SAMD12: variants seen among roughly 807,000 people sequenced by gnomAD.
SAMD12 encodes sterile alpha motif domain containing 12, also known as sterile alpha motif domain-containing protein 12.
In SAMD12, 9 loss-of-function variants were observed where a neutral mutation model predicts 15.0. That is an observed-to-expected ratio of 0.60 (90% CI 0.36 to 1.05). The LOEUF (loss-of-function observed/expected upper bound fraction) is 1.05, where lower values mean the gene tolerates loss of function less well. Among genes scored for constraint, SAMD12 ranks in the 50% least tolerant of loss-of-function variants. SAMD12 has a pLI of 0.01. For synonymous variants in SAMD12, 86 were observed against 90.1 expected, an observed-to-expected ratio of 0.96 and a Z score of 0.25; for missense variants, 230 against 234.2, an observed-to-expected ratio of 0.98 and a Z score of 0.12.
At chr8:118,399,223 A>C (rs2450330) in intron 3 of SAMD12, among the ~76,000 whole-genome samples, 1 of 150,538 alleles carries the variant, frequency 6.6e-6, no homozygotes. Context: ...TTAATAAATG[A>C]CTGTGGAAGG....
chr8:118,218,465 A>C (rs1301448122), intron 4 of SAMD12, among the ~76,000 whole-genome samples: 2 of 152,156 alleles, frequency 1.3e-5, no homozygotes, highest in Non-Finnish European at 2.9e-5. Context: ...CATGCTGTGC[A>C]ACAGATTTCA....
rs574387603 is a variant in SAMD12 at position 118,199,712 on chromosome 8, A to G, written c.434-1980T>C. ...TCTAATCTTAGGATATTAAAAAAGC[A>G]CTTATAACCATGGATGTAAGTGGAG... On this transcript the variant is annotated intron_variant, in intron 4 of 4. Coordinates refer to the SAMD12 transcript ENST00000409003. Among the ~76,000 whole-genome samples the G allele has an allele frequency of 1.8e-4, 27 of 152,312 alleles. No homozygotes were observed. In the South Asian group the frequency reaches 5.6e-3, roughly 32 times the overall value.
chr8:118,259,054 G>A (rs551067058), intron 4 of SAMD12, among the ~76,000 whole-genome samples: 2 of 152,148 alleles, frequency 1.3e-5, no homozygotes, highest in South Asian at 2.1e-4. Context: ...ATACTTATAC[G>A]GAAATGACAG....
intron 4 of SAMD12, among the ~76,000 whole-genome samples, chr8:118,269,193 G>C (rs1225867575): frequency 3.6e-5 from 4 of 112,648 alleles, no homozygotes; most frequent in African/African-American, 1.5e-4. Context: ...CTTTGCTTTT[G>C]TTCTCTCTCT....
chr8:118,148,850 A>G, the SAMD12 span, among the ~76,000 whole-genome samples: 2 of 152,290 alleles, frequency 1.3e-5, no homozygotes, highest in African/African-American at 4.8e-5. Flanking sequence ...ATGTTACAGC[A>G]TGTTCAATGG....
intron 1 of SAMD12, among the ~76,000 whole-genome samples, chr8:118,603,490 A>T (rs1586850364): frequency 6.6e-6 from 1 of 152,240 alleles, no homozygotes; most frequent in Non-Finnish European, 1.5e-5. Flanking sequence ...GGGGAAAGAT[A>T]CTTTCCAACT....
chr8:118,374,792 T>C (rs769281939), downstream of SAMD12, among the ~76,000 whole-genome samples: 19 of 151,814 alleles, frequency 1.3e-4, no homozygotes, highest in Non-Finnish European at 2.2e-4. Context: ...AACTCTCTAT[T>C]TGAATCCTTT....
chr8:118,171,718 T>C, the SAMD12 span, among the ~76,000 whole-genome samples: 12 of 136,880 alleles, frequency 8.8e-5, no homozygotes, highest in East Asian at 1.9e-3. Flanking sequence ...TGGCTGCTAA[T>C]GGGTACAGGA....
intron 3 of SAMD12, among the ~76,000 whole-genome samples, chr8:118,396,985 A>G (rs1214538152): frequency 6.6e-6 from 1 of 152,230 alleles, no homozygotes. Context: ...GGCTTGGGCA[A>G]TAAAAGAAAG....
chr8:118,358,695 A>G (rs1223283664), intron 4 of SAMD12, among the ~76,000 whole-genome samples: 1 of 152,206 alleles, frequency 6.6e-6, no homozygotes. Context: ...ATGCATCAAA[A>G]GCAATCACCA....
chr8:118,440,703 C>CACACAA (rs1822728527), intron 2 of SAMD12, among the ~76,000 whole-genome samples: 1 of 148,656 alleles, frequency 6.7e-6, no homozygotes, highest in Non-Finnish European at 1.5e-5. Context: ...CACAAACACA[C>CACACAA]ACACACACAC....
intron 4 of SAMD12, among the ~76,000 whole-genome samples, chr8:118,316,054 T>C (rs1194116465): frequency 6.6e-6 from 1 of 152,108 alleles, no homozygotes; most frequent in Non-Finnish European, 1.5e-5. Context: ...CGTAATGGCA[T>C]TAAAAACAAG....
At position 118,434,931 on chromosome 8, in the gene SAMD12, G is replaced by A. The variant is rs920388064; in HGVS notation, c.322+4901C>T. The stretch of plus-strand genomic sequence containing the variant: ...CCGGCTAAAAAAACGGTGAAACCCC[G>A]TCTCTACTAAAAATACAAAAAATTA... On this transcript the variant is annotated intron_variant, in intron 3 of 3. Coordinates refer to ENST00000314727, the MANE Select transcript of SAMD12 (RefSeq NM_207506.3). 5.3e-5 allele frequency among the ~76,000 whole-genome samples: 3 copies of A among 56,394 alleles called. 1 individual carries two copies. The highest frequency in any genetic ancestry group is 1.3e-4 in the Non-Finnish European group (3 of 22,236). 37.0% of individuals were successfully genotyped at this position (56,394 alleles called of 152,430 possible).
In SAMD12 at chr8:118,336,158, G is replaced by A. The variant is rs371392174; in HGVS notation, c.433+43402C>T. On this transcript the variant is annotated intron_variant, in intron 4 of 4. Transcript: ENST00000409003. ...GCTAGTCACATGATCAGAGAGTGAC[G>A]GCACAGATATTTGAACCCAGCTCTG... 8.9e-4 allele frequency among the ~76,000 whole-genome samples: 136 copies of A among 152,254 alleles called. 5 individuals carry two copies. In the South Asian group the frequency reaches 0.022, roughly 25 times the overall value.
intron 2 of SAMD12, among the ~76,000 whole-genome samples, chr8:118,500,167 C>T (rs1824744654): frequency 6.8e-6 from 1 of 147,494 alleles, no homozygotes; most frequent in African/African-American, 2.5e-5. Context: ...CAACCTCTGC[C>T]TCCCGGGTTC....
chr8:118,542,793 T>A (rs1338335437), intron 2 of SAMD12, among the ~76,000 whole-genome samples: 1 of 152,198 alleles, frequency 6.6e-6, no homozygotes, highest in Non-Finnish European at 1.5e-5. Flanking sequence ...GACAAAAGAA[T>A]CTTGTGCATG....
At chr8:118,298,171 A>G (rs907472941) in intron 4 of SAMD12, among the ~76,000 whole-genome samples, 1 of 152,202 alleles carries the variant, frequency 6.6e-6, no homozygotes, top group Non-Finnish European at 1.5e-5. Flanking sequence ...TTGTTATTAG[A>G]CATCTTTAAA....
intron 4 of SAMD12, among the ~76,000 whole-genome samples, chr8:118,266,278 C>G (rs1168338171): frequency 6.6e-6 from 1 of 152,110 alleles, no homozygotes; most frequent in African/African-American, 2.4e-5. Flanking sequence ...GGTGGGGACA[C>G]AAAGCCAAAC....
intron 2 of SAMD12, among the ~76,000 whole-genome samples, chr8:118,539,579 T>C (rs1386931498): frequency 6.6e-6 from 1 of 152,128 alleles, no homozygotes; most frequent in Admixed American, 6.5e-5. Flanking sequence ...TTGAGAATGC[T>C]GCCCATACCC....
Sources: allele counts gnomAD v4.1 joint callset (sites outside exome capture counted in the v4.1 genomes callset), GRCh38; gene constraint gnomAD v4.1.1; transcripts MANE v1.5; gene names NCBI Gene and HGNC (gene_info 2026-07-23, HGNC 2026-07-21).